GJA8: variants seen among roughly 807,000 people sequenced by gnomAD.
GJA8 encodes gap junction protein alpha 8.
In GJA8, 13 loss-of-function variants were observed where a neutral mutation model predicts 15.3. The ratio of observed to expected loss-of-function variants is 0.85; its 90% CI spans 0.55 to 1.35. The LOEUF (loss-of-function observed/expected upper bound fraction) is 1.35. Ranked by LOEUF, GJA8 falls within the 40% of genes most tolerant of loss-of-function variation. The pLI is 0.00. For missense variants in GJA8, 607 were observed against 553.3 expected, an observed-to-expected ratio of 1.10 and a Z score of -0.97; for synonymous variants, 304 against 238.7, an observed-to-expected ratio of 1.27 and a Z score of -2.52.
At chr1:147,905,734 T>A (rs1271760283) in intron 1 of GJA8, among the ~76,000 whole-genome samples, 1 of 152,226 alleles carries the variant, frequency 6.6e-6, no homozygotes, top group Non-Finnish European at 1.5e-5. Flanking sequence ...TAGACTTAAC[T>A]ATAGTCTGAA....
chr1:147,907,912 G>T (rs781982414), intron 1 of GJA8, 33 bp from the exon 2 acceptor site: 32 of 1,481,736 alleles, frequency 2.2e-5, no homozygotes, highest in Non-Finnish European at 2.9e-5. Flanking sequence ...CATTGCGGCC[G>T]CTCAGCTCTT....
downstream of GJA8, chr1:147,909,357 C>G (rs1314571174): frequency 1.1e-6 from 1 of 923,122 alleles, no homozygotes; most frequent in Non-Finnish European, 1.7e-6. Context: ...TCCTGTCCTC[C>G]CACCAGCCTC....
intron 1 of GJA8, among the ~76,000 whole-genome samples, chr1:147,905,460 T>C (rs1287347091): frequency 6.6e-6 from 1 of 152,238 alleles, no homozygotes; most frequent in Non-Finnish European, 1.5e-5. Context: ...GATATATCAA[T>C]GAGGGTAAGT....
chr1:147,908,892 TCCCGGGG>T lies in GJA8; in HGVS notation c.939_945del (p.Arg314ThrfsTer41). The T allele has an allele frequency of 6.2e-7, 1 of 1,613,884 alleles. No homozygotes were observed. The highest frequency in any genetic ancestry group is 8.5e-7 in the Non-Finnish European group (1 of 1,179,836). Reference sequence around the variant, plus strand: ...CAGCACAGGACCCCTGGGGGACTTGTCCCGGGGCTACCAAGAGACACTGCCTTCCTAC... The same window carrying T: ...CAGCACAGGACCCCTGGGGGACTTGTCTACCAAGAGACACTGCCTTCCTAC... On this transcript the variant is annotated frameshift_variant, in exon 2 of 2. Transcript: ENST00000369235. LOFTEE classifies it low-confidence loss of function (END_TRUNC).
At chr1:147,907,845 C>T (rs1651857769) in intron 1 of GJA8, 100 bp from the exon 2 acceptor site, 2 of 841,644 alleles carry the variant, frequency 2.4e-6, no homozygotes, top group Admixed American at 1.7e-5. Flanking sequence ...ACCGTTCTGG[C>T]AACTTGGAAA....
downstream of GJA8, among the ~76,000 whole-genome samples, chr1:147,910,075 A>G (rs188058064): frequency 1.3e-5 from 2 of 152,210 alleles, no homozygotes; most frequent in East Asian, 3.9e-4. Context: ...GCCTAGGCTG[A>G]TCTCAAACTC....
chr1:147,911,638 A>G (rs1192711651), downstream of GJA8, among the ~76,000 whole-genome samples: 1 of 152,184 alleles, frequency 6.6e-6, no homozygotes, highest in African/African-American at 2.4e-5. Context: ...GAGAATTAAC[A>G]CAATCCGAGG....
downstream of GJA8, chr1:147,909,314 GA>G (rs1553243109): frequency 1.5e-3 from 1,875 of 1,264,512 alleles, 5 homozygotes; most frequent in Non-Finnish European, 2.0e-3. Flanking sequence ...AAGATGAAAG[GA>G]ACAGGTGCCA....
rs782565750 is a variant in GJA8, at chr1:147,909,141, C to T, written c.1186C>T (p.Leu396=). The change falls in exon 2 of 2, where the codon CTG becomes TTG. Residue 396 remains leucine, a synonymous_variant. Transcript: ENST00000369235. ...PQSEKVSKQG[L]PAEKTPSLCP... ...GTCGGAGAAGGTGTCAAAGCAAGGG[C>T]TGCCAGCTGAGAAGACACCTTCACT... The T allele has an allele frequency of 1.4e-5, 22 of 1,613,938 alleles. No individual in the cohort carries two copies. Among genetic ancestry groups the T allele is most frequent in the Admixed American group, 5.0e-5 (3 of 60,008 alleles).
chr1:147,909,365 C>G, downstream of GJA8: 1 of 872,448 alleles, frequency 1.1e-6, no homozygotes, highest in Non-Finnish European at 1.9e-6. Flanking sequence ...TCCCACCAGC[C>G]TCTGGTTGGA....
the GJA8 span, among the ~76,000 whole-genome samples, chr1:147,914,277 G>A: frequency 6.6e-6 from 1 of 152,088 alleles, no homozygotes; most frequent in Non-Finnish European, 1.5e-5. Context: ...GCCTTTTTCT[G>A]CAATTTTTTC....
chr1:147,906,720 C>A (rs757801041), intron 1 of GJA8, among the ~76,000 whole-genome samples: 35 of 152,032 alleles, frequency 2.3e-4, no homozygotes, highest in Non-Finnish European at 4.6e-4. Context: ...AAATTAAGAG[C>A]ACAGAAGTCA....
chr1:147,914,091 A>G (rs1259764691), downstream of GJA8, among the ~76,000 whole-genome samples: 1 of 152,212 alleles, frequency 6.6e-6, no homozygotes, highest in Non-Finnish European at 1.5e-5. Context: ...AGAGCCAGGA[A>G]AAAGTGGTAT....
downstream of GJA8, chr1:147,909,391 G>C (rs1652003962): frequency 2.5e-5 from 18 of 717,388 alleles, no homozygotes; most frequent in East Asian, 4.8e-4. Flanking sequence ...ACTGCAGCAG[G>C]GCAGTGCACT....
At chr1:147,907,825 G>A in intron 1 of GJA8, 120 bp from the exon 2 acceptor site, 1 of 763,176 alleles carries the variant, frequency 1.3e-6, no homozygotes, top group Non-Finnish European at 2.4e-6. Flanking sequence ...TAGACGCTGT[G>A]TGCACATTGA....
chr1:147,909,218 A>G lies in GJA8; in HGVS notation c.1263A>G (p.Lys421=). 1.9e-6 allele frequency: 3 copies of G among 1,561,354 alleles called. No individual in the cohort carries two copies. Among genetic ancestry groups the G allele is most frequent in the Non-Finnish European group, 2.6e-6 (3 of 1,146,880 alleles). The change falls in exon 2 of 2, where the codon AAA becomes AAG. Residue 421 remains lysine, a synonymous_variant. Transcript: ENST00000369235. ...CCAGACCCCTGAGCAGGCTAAGCAAAGCCAGCAGCCGAGCCAGGTCAGACG... is the reference window on the plus strand; with the variant it reads ...CCAGACCCCTGAGCAGGCTAAGCAAGGCCAGCAGCCGAGCCAGGTCAGACG... ...DDARPLSRLS[K]ASSRARSDDL...
intron 1 of GJA8, among the ~76,000 whole-genome samples, chr1:147,907,568 T>C (rs1651849388): frequency 6.6e-6 from 1 of 152,214 alleles, no homozygotes; most frequent in African/African-American, 2.4e-5. Context: ...GATCAGTGTG[T>C]GGTCTTGATT....
chr1:147,912,562 C>G (rs1416475172), downstream of GJA8, among the ~76,000 whole-genome samples: 2 of 152,154 alleles, frequency 1.3e-5, no homozygotes, highest in African/African-American at 4.8e-5. Flanking sequence ...GGCAGCTACA[C>G]CACTCAGCAT....
chr1:147,908,884 G>A lies in GJA8; in HGVS notation c.929G>A (p.Gly310Glu), dbSNP rs2149016274. 2 of 1,614,110 alleles carry A rather than the reference G, an allele frequency of 1.2e-6. No individual in the cohort carries two copies. The highest frequency in any genetic ancestry group is 1.1e-5 in the South Asian group (1 of 91,082). ...GAGAAGATCAGCACAGGACCCCTGG[G>A]GGACTTGTCCCGGGGCTACCAAGAG... ...FEEKISTGPL[G>E]DLSRGYQETL... is the part of the protein sequence containing the mutation. Residue 310 changes from glycine (G) to glutamate (E), a missense_variant, in exon 2 of 2, where the codon GGG becomes GAG. Coordinates refer to ENST00000369235, the MANE Select transcript of GJA8 (RefSeq NM_005267.5).
Sources: gnomAD v4.1 joint callset for allele counts (sites outside exome capture counted in the v4.1 genomes callset) on GRCh38, gnomAD v4.1.1 for gene constraint, MANE v1.5 for transcripts, NCBI Gene and HGNC (gene_info 2026-07-23, HGNC 2026-07-21) for gene names.